Variants in NCK1 observed in about 807,000 individuals in gnomAD.
NCK1 encodes SH2/SH3 adapter protein NCK1.
Under a neutral mutation model 36.6 loss-of-function variants are expected in NCK1, and 19 were observed. The ratio of observed to expected loss-of-function variants is 0.52; its 90% CI spans 0.36 to 0.76. The LOEUF (loss-of-function observed/expected upper bound fraction) is 0.76, where lower values mean the gene tolerates loss of function less well. Among genes scored for constraint, NCK1 ranks in the 30% least tolerant of loss-of-function variants. The probability of loss-of-function intolerance (pLI) is 0.00; values close to 1 mark genes in which losing one functional copy is unlikely to be tolerated. For missense variants in NCK1, 358 were observed against 445.6 expected, an observed-to-expected ratio of 0.80 and a Z score of 1.77; for synonymous variants, 165 against 156.0, an observed-to-expected ratio of 1.06 and a Z score of -0.43.
At chr3:136,935,214 A>T (rs917719135) in intron 2 of NCK1, among the ~76,000 whole-genome samples, 1 of 152,124 alleles carries the variant, frequency 6.6e-6, no homozygotes, top group African/African-American at 2.4e-5. Context: ...TTTTTTTGAC[A>T]ATGTGTAATT....
chr3:136,882,547 CTG>C (rs35463509), intron 1 of NCK1, among the ~76,000 whole-genome samples: 30,818 of 143,004 alleles, frequency 0.22, 3,415 homozygotes, highest in East Asian at 0.42. Context: ...TCCCACATCA[CTG>C]TGTGTGTGTG....
intron 1 of NCK1, among the ~76,000 whole-genome samples, chr3:136,908,181 A>G (rs1204841580): frequency 2.6e-5 from 4 of 152,222 alleles, no homozygotes; most frequent in Non-Finnish European, 5.9e-5. Flanking sequence ...TTATAATAGC[A>G]AAATAGTCTG....
intron 1 of NCK1, among the ~76,000 whole-genome samples, chr3:136,884,508 C>T (rs1288422707): frequency 2.6e-5 from 4 of 152,130 alleles, no homozygotes; most frequent in African/African-American, 4.8e-5. Flanking sequence ...GTGGTGCAGG[C>T]TTGCTCACCG....
intron 1 of NCK1, among the ~76,000 whole-genome samples, chr3:136,906,336 C>G (rs1939684473): frequency 6.6e-6 from 1 of 152,132 alleles, no homozygotes; most frequent in South Asian, 2.1e-4. Flanking sequence ...TCTCGAACTC[C>G]TGAGCTCAAG....
At chr3:136,874,373 A>T (rs1314115855) in intron 1 of NCK1, among the ~76,000 whole-genome samples, 1 of 152,128 alleles carries the variant, frequency 6.6e-6, no homozygotes, top group Non-Finnish European at 1.5e-5. Flanking sequence ...ATGGGGTTTC[A>T]CTATGTTGGC....
chr3:136,946,769 G>A (rs1173525056), intron 3 of NCK1, among the ~76,000 whole-genome samples: 1 of 152,130 alleles, frequency 6.6e-6, no homozygotes, highest in Non-Finnish European at 1.5e-5. Context: ...TGGTTACTTG[G>A]AAATTGGAAT....
At chr3:136,864,545 A>G (rs1260150280) in intron 1 of NCK1, among the ~76,000 whole-genome samples, 2 of 151,014 alleles carry the variant, frequency 1.3e-5, no homozygotes, top group African/African-American at 2.4e-5. Flanking sequence ...TTTGTTAGAT[A>G]CTGAGGGAGA....
At chr3:136,869,691 A>C (rs1938550786) in intron 1 of NCK1, among the ~76,000 whole-genome samples, 1 of 152,194 alleles carries the variant, frequency 6.6e-6, no homozygotes, top group Non-Finnish European at 1.5e-5. Context: ...TATTTTTCTT[A>C]TGTGTACGTA....
rs1021655188 is a variant in NCK1, at chr3:136,936,644, A to G, written c.226+8417A>G. 3.9e-5 allele frequency among the ~76,000 whole-genome samples: 6 copies of G among 151,906 alleles called. No individual in the cohort carries two copies. In the South Asian group the frequency reaches 1.0e-3, roughly 26 times the overall value. On this transcript the variant is annotated intron_variant, in intron 2 of 3. Coordinates refer to ENST00000481752, the MANE Select transcript of NCK1 (RefSeq NM_001291999.2). ...TTTCTCCATATCCTTGCCAACACCTATTTTCTTTCTTTCTTTGCTTATATC... is the reference window on the plus strand; with the variant it reads ...TTTCTCCATATCCTTGCCAACACCTGTTTTCTTTCTTTCTTTGCTTATATC...
intron 1 of NCK1, among the ~76,000 whole-genome samples, chr3:136,902,294 T>G (rs572196378): frequency 6.6e-6 from 1 of 150,882 alleles, no homozygotes; most frequent in East Asian, 1.9e-4. Context: ...GCCTCCTGGG[T>G]TCAAGCAGTT....
At chr3:136,918,957 T>C (rs1940036106) in intron 1 of NCK1, among the ~76,000 whole-genome samples, 1 of 152,218 alleles carries the variant, frequency 6.6e-6, no homozygotes. Flanking sequence ...TTTAACTTAG[T>C]TTTTCTTGAA....
At chr3:136,878,246 T>C (rs1255850150) in intron 1 of NCK1, among the ~76,000 whole-genome samples, 1 of 152,118 alleles carries the variant, frequency 6.6e-6, no homozygotes, top group East Asian at 1.9e-4. Flanking sequence ...CCATCTCAAC[T>C]ATAAACACAC....
intron 1 of NCK1, among the ~76,000 whole-genome samples, chr3:136,898,403 A>AG (rs1445264326): frequency 1.3e-5 from 2 of 151,724 alleles, no homozygotes; most frequent in Non-Finnish European, 2.9e-5. Flanking sequence ...AAAAAAAAAA[A>AG]AGGTGGATGC....
At chr3:136,900,502 T>C (rs1939514312) in intron 1 of NCK1, among the ~76,000 whole-genome samples, 1 of 152,222 alleles carries the variant, frequency 6.6e-6, no homozygotes, top group Non-Finnish European at 1.5e-5. Context: ...ATTGAAAATG[T>C]AGATTGCTTA....
At chr3:136,872,607 A>G (rs1220019797) in intron 1 of NCK1, among the ~76,000 whole-genome samples, 1 of 152,216 alleles carries the variant, frequency 6.6e-6, no homozygotes, top group African/African-American at 2.4e-5. Context: ...AATGGGGAAA[A>G]TGTCTGCAGG....
intron 1 of NCK1, among the ~76,000 whole-genome samples, chr3:136,898,292 G>T (rs1304015631): frequency 1.3e-5 from 2 of 151,644 alleles, no homozygotes; most frequent in Non-Finnish European, 2.9e-5. Flanking sequence ...CCTATTCGGG[G>T]AGGCTGAGGC....
intron 1 of NCK1, among the ~76,000 whole-genome samples, chr3:136,910,779 A>G (rs1405646267): frequency 1.3e-5 from 2 of 152,222 alleles, no homozygotes; most frequent in African/African-American, 2.4e-5. Flanking sequence ...TATCATTTTC[A>G]TAACGAGACA....
At chr3:136,892,813 T>A (rs1264013879) in intron 1 of NCK1, among the ~76,000 whole-genome samples, 2 of 152,168 alleles carry the variant, frequency 1.3e-5, no homozygotes, top group Non-Finnish European at 2.9e-5. Context: ...ATGAGACTTT[T>A]AAAATACTTT....
At chr3:136,877,833 AG>A (rs1038345545) in intron 1 of NCK1, among the ~76,000 whole-genome samples, 24 of 152,232 alleles carry the variant, frequency 1.6e-4, no homozygotes, top group Middle Eastern at 3.4e-3. Context: ...GGAGGAGGTG[AG>A]GGTGGTGCTA....
Sources: gnomAD v4.1 joint callset for allele counts (sites outside exome capture counted in the v4.1 genomes callset) on GRCh38, gnomAD v4.1.1 for gene constraint, MANE v1.5 for transcripts, NCBI Gene and HGNC (gene_info 2026-07-23, HGNC 2026-07-21) for gene names.